Variants in CNKSR2 observed in about 807,000 individuals in gnomAD.
CNKSR2 encodes the protein connector enhancer of kinase suppressor of Ras 2.
CNKSR2 carries 14 observed loss-of-function variants against 84.4 expected under a neutral mutation model. The ratio of observed to expected loss-of-function variants is 0.17; its 90% CI spans 0.11 to 0.26. The LOEUF is 0.26. CNKSR2 is among the 10% of genes least tolerant of loss of function. The pLI, the probability that CNKSR2 is intolerant of heterozygous loss-of-function variation, is 1.00. For synonymous variants in CNKSR2, 275 were observed against 277.9 expected (o/e 0.99, Z 0.10); for missense variants, 485 against 771.2 (o/e 0.63, Z 4.40).
chrX:21,640,853 T>C (rs1469819054), intron 20 of CNKSR2, among the ~76,000 whole-genome samples: 4 of 112,480 alleles, frequency 3.6e-5, no homozygotes, highest in African/African-American at 1.3e-4. Context: ...GAAACATCCA[T>C]CTCTTCCAGT....
chrX:21,599,339 GGTGTGTGTGTGTGTGTGTGTGTGTGT>G (rs34829122), intron 17 of CNKSR2, among the ~76,000 whole-genome samples: 2 of 82,708 alleles, frequency 2.4e-5, no homozygotes, highest in African/African-American at 9.3e-5. Flanking sequence ...TTTTTGTTTT[GGTGTGTGTGTGTGTGTGTGTGTGTGT>G]GTGTGTGTGT....
intron 1 of CNKSR2, among the ~76,000 whole-genome samples, chrX:21,402,459 A>G (rs1225088509): frequency 9.0e-6 from 1 of 111,340 alleles, no homozygotes; most frequent in Non-Finnish European, 1.9e-5. Flanking sequence ...TTCATTTTTA[A>G]TCTAGCAACT....
At chrX:21,605,117 AGAC>A (rs1292087842) in intron 18 of CNKSR2, among the ~76,000 whole-genome samples, 2 of 111,977 alleles carry the variant, frequency 1.8e-5, no homozygotes, top group South Asian at 3.8e-4. Flanking sequence ...ATAACAAAAC[AGAC>A]TCAGAGAGGT....
chrX:21,398,038 C>T (rs1371937853), intron 1 of CNKSR2, among the ~76,000 whole-genome samples: 3 of 111,472 alleles, frequency 2.7e-5, no homozygotes, highest in Non-Finnish European at 5.7e-5. Flanking sequence ...GTTCTGATTT[C>T]TGTCTCTTTC....
At chrX:21,425,109 C>G (rs1211507195) in intron 1 of CNKSR2, 3 of 111,538 alleles carry the variant, frequency 2.7e-5, no homozygotes, top group Non-Finnish European at 3.8e-5. Flanking sequence ...AAAACAGACT[C>G]TCTCTCTCAA....
chrX:21,381,851 C>G (rs947420360), intron 1 of CNKSR2, among the ~76,000 whole-genome samples: 1 of 111,835 alleles, frequency 8.9e-6, no homozygotes, highest in Non-Finnish European at 1.9e-5. Context: ...GAAAGCCTTT[C>G]CAGATTTGTT....
intron 1 of CNKSR2, among the ~76,000 whole-genome samples, chrX:21,392,842 G>C (rs890151619): frequency 9.0e-6 from 1 of 111,389 alleles, no homozygotes; most frequent in African/African-American, 3.3e-5. Context: ...TTTGGGTTAT[G>C]AGGGGTTGTA....
At chrX:21,597,305 C>T (rs1461766091) in intron 17 of CNKSR2, among the ~76,000 whole-genome samples, 6 of 110,670 alleles carry the variant, frequency 5.4e-5, no homozygotes, top group African/African-American at 9.9e-5. Context: ...GTATCTGGTT[C>T]GGGATATCGC....
At position 21,508,035 on chromosome X, in the gene CNKSR2, C is replaced by A. The variant is rs751754837; in HGVS notation, c.810+6447C>A. On this transcript the variant is annotated intron_variant, in intron 8 of 21. Coordinates refer to ENST00000379510, the MANE Select transcript of CNKSR2 (RefSeq NM_014927.5). The stretch of plus-strand genomic sequence containing the variant: ...CTTCATAAAAAAATTAGTTAAAGGC[C>A]TGTATTGTGGCTGAGGGCGGTGGCT... Among the ~76,000 whole-genome samples the A allele has an allele frequency of 6.2e-5, 7 of 112,145 alleles. No individual in the cohort carries two copies. In the East Asian group the frequency reaches 2.0e-3, roughly 32 times the overall value.
chrX:21,471,482 G>A (rs1415956761), intron 5 of CNKSR2, among the ~76,000 whole-genome samples: 3 of 111,863 alleles, frequency 2.7e-5, no homozygotes, highest in East Asian at 2.8e-4. Context: ...GGTACTAGGC[G>A]GTGAAGATCC....
intron 20 of CNKSR2, among the ~76,000 whole-genome samples, chrX:21,630,876 T>A (rs192556507): frequency 3.3e-3 from 363 of 111,553 alleles, no homozygotes; most frequent in Non-Finnish European, 6.0e-3. Context: ...ATAATTAGTG[T>A]ACTTTCCAAT....
At chrX:21,416,614 G>T (rs1177353144) in intron 1 of CNKSR2, among the ~76,000 whole-genome samples, 1 of 111,091 alleles carries the variant, frequency 9.0e-6, no homozygotes, top group African/African-American at 3.3e-5. Context: ...CTCCTTACTT[G>T]TTATTGGCCT....
chrX:21,590,798 A>T, intron 14 of CNKSR2, 178 bp downstream of exon 14: 2 of 486,564 alleles, frequency 4.1e-6, no homozygotes, highest in Non-Finnish European at 6.8e-6. Flanking sequence ...TACCTTTTAC[A>T]ACAAATGATC....
intron 20 of CNKSR2, among the ~76,000 whole-genome samples, chrX:21,613,154 A>G (rs1340287308): frequency 8.9e-6 from 1 of 112,491 alleles, no homozygotes; most frequent in African/African-American, 3.2e-5. Context: ...ATGTCATTCT[A>G]TGCACCTTTA....
intron 1 of CNKSR2, among the ~76,000 whole-genome samples, chrX:21,398,421 A>G (rs930840264): frequency 2.7e-5 from 3 of 112,286 alleles, no homozygotes; most frequent in African/African-American, 9.7e-5. Context: ...TATCTTTTAC[A>G]AACTACTTCT....
chrX:21,432,536 T>C, intron 2 of CNKSR2, 76 bp from the exon 3 acceptor site: 1 of 738,956 alleles, frequency 1.4e-6, no homozygotes. Flanking sequence ...CTGTGCATAA[T>C]AAAGTATTCA....
intron 20 of CNKSR2, among the ~76,000 whole-genome samples, chrX:21,620,469 T>TA (rs1238512206): frequency 9.0e-6 from 1 of 110,835 alleles, no homozygotes; most frequent in Non-Finnish European, 1.9e-5. Flanking sequence ...CCATAGAACT[T>TA]AGAGTTTTGA....
At chrX:21,566,699 A>G (rs1282845046) in intron 13 of CNKSR2, among the ~76,000 whole-genome samples, 1 of 111,790 alleles carries the variant, frequency 8.9e-6, no homozygotes, top group African/African-American at 3.2e-5. Flanking sequence ...TAATATCATC[A>G]TTAAATCCCC....
intron 1 of CNKSR2, among the ~76,000 whole-genome samples, chrX:21,376,807 G>T (rs2089823993): frequency 8.9e-6 from 1 of 111,756 alleles, no homozygotes; most frequent in Non-Finnish European, 1.9e-5. Context: ...TTCCCATGAT[G>T]CCTGTAGTGA....
Sources: allele counts gnomAD v4.1 joint callset (sites outside exome capture counted in the v4.1 genomes callset), GRCh38; gene constraint gnomAD v4.1.1; transcripts MANE v1.5; gene names NCBI Gene and HGNC (gene_info 2026-07-23, HGNC 2026-07-21).